The following WNT7B variants were observed in gnomAD, a reference collection of about 807,000 sequenced individuals.
WNT7B encodes protein Wnt-7b.
Under a neutral mutation model 38.2 loss-of-function variants are expected in WNT7B, and 19 were observed. That is an observed-to-expected ratio of 0.50 (90% confidence interval 0.35 to 0.73). The LOEUF (loss-of-function observed/expected upper bound fraction) is 0.73. WNT7B is among the 30% of genes least tolerant of loss of function. The pLI, the probability that WNT7B is intolerant of heterozygous loss-of-function variation, is 0.01. For synonymous variants in WNT7B, 243 were observed against 209.3 expected, an observed-to-expected ratio of 1.16 and a Z score of -1.39; for missense variants, 423 against 507.9, an observed-to-expected ratio of 0.83 and a Z score of 1.61.
chr22:45,933,975 C>T (rs779058659), intron 2 of WNT7B, among the ~76,000 whole-genome samples: 45 of 152,318 alleles, frequency 3.0e-4, no homozygotes, highest in Non-Finnish European at 5.0e-4. Context: ...GCGTGGATTC[C>T]GGAACATTCA....
At chr22:45,939,429 T>C (rs1475584345) in intron 2 of WNT7B, among the ~76,000 whole-genome samples, 2 of 152,202 alleles carry the variant, frequency 1.3e-5, no homozygotes, top group Non-Finnish European at 2.9e-5. Context: ...ATGTGTTCTA[T>C]CCATACGGCA....
chr22:45,964,349 A>G (rs893550751), intron 1 of WNT7B, among the ~76,000 whole-genome samples: 60 of 152,238 alleles, frequency 3.9e-4, no homozygotes, highest in African/African-American at 1.4e-3. Flanking sequence ...AAGGCGGGTG[A>G]CAACCTTGCT....
intron 3 of WNT7B, chr22:45,926,769 G>A (rs1569109350): frequency 3.0e-6 from 3 of 985,374 alleles, no homozygotes; most frequent in Middle Eastern, 5.2e-4. Context: ...CTCTGACCAC[G>A]AGCCCACAGA....
intron 2 of WNT7B, among the ~76,000 whole-genome samples, chr22:45,939,973 G>A (rs1931606094): frequency 6.6e-6 from 1 of 152,320 alleles, no homozygotes; most frequent in East Asian, 1.9e-4. Flanking sequence ...TGCCAGGGGC[G>A]AGAGGACTGG....
At chr22:45,968,184 T>G (rs146834056) in intron 1 of WNT7B, among the ~76,000 whole-genome samples, 105 of 151,448 alleles carry the variant, frequency 6.9e-4, no homozygotes, top group African/African-American at 2.5e-3. Flanking sequence ...CTCCTATCCA[T>G]CCTTCAAAAC....
At chr22:45,973,880 C>T (rs574095614) in intron 1 of WNT7B, among the ~76,000 whole-genome samples, 7 of 118,082 alleles carry the variant, frequency 5.9e-5, no homozygotes, top group Admixed American at 5.3e-4. Context: ...GATGGCTGCA[C>T]GTGCCCAGGT....
rs1601718770 is a variant in WNT7B at position 45,930,958 on chromosome 22, A to C, written c.570+140T>G. 4.2e-6 allele frequency: 5 copies of C among 1,187,000 alleles called. No individual in the cohort carries two copies. The East Asian group carries it at 1.3e-4, about 31-fold the overall frequency. The allele number at this position is 1,187,000 out of a possible 1,614,324, so 73.5% of individuals were successfully genotyped here. On this transcript the variant is annotated intron_variant, in intron 3 of 3. Transcript: ENST00000339464. ...GGGAGGCTCAGAGCCATGCACGTGG[A>C]GGACCCAGACGGCCCCACCCCCTGC...
chr22:45,941,642 G>A (rs940753707), intron 2 of WNT7B, among the ~76,000 whole-genome samples: 1 of 152,178 alleles, frequency 6.6e-6, no homozygotes, highest in African/African-American at 2.4e-5. Flanking sequence ...GGCCACGGGT[G>A]GCTTAAGGTG....
At chr22:45,937,559 G>T (rs1465972380) in intron 2 of WNT7B, among the ~76,000 whole-genome samples, 1 of 151,732 alleles carries the variant, frequency 6.6e-6, no homozygotes, top group African/African-American at 2.4e-5. Context: ...TCCCTGGGCA[G>T]CAGGTGTGCA....
At chr22:45,942,867 G>GTGTGCGCGTGTATGCATGTA (rs1931686109) in intron 2 of WNT7B, among the ~76,000 whole-genome samples, 2 of 151,894 alleles carry the variant, frequency 1.3e-5, no homozygotes, top group Non-Finnish European at 2.9e-5. Flanking sequence ...GTGTGTGTGT[G>GTGTGCGCGTGTATGCATGTA]TGTGCGTGTG....
chr22:45,964,727 C>T (rs1268010273), intron 1 of WNT7B, among the ~76,000 whole-genome samples: 2 of 152,182 alleles, frequency 1.3e-5, no homozygotes, highest in African/African-American at 4.8e-5. Flanking sequence ...GGGCCCCAGA[C>T]CCACAAGTGG....
In WNT7B at chr22:45,976,967, T is replaced by C. The variant is rs1932565915; in HGVS notation, c.-213A>G. ...GCCACCGCCGCGTGAGCCCGGGGAATTGACCCAGGCTGGGGGCCGCGACCT... is the reference window on the plus strand; with the variant it reads ...GCCACCGCCGCGTGAGCCCGGGGAACTGACCCAGGCTGGGGGCCGCGACCT... On this transcript the variant is annotated 5_prime_UTR_variant, in exon 1 of 4. Transcript: ENST00000339464. This position sits in a 1 kb window ranked among gnomAD's most constrained non-coding sequence, Gnocchi z 8.5. 10 of 987,350 alleles carry C rather than the reference T, an allele frequency of 1.0e-5. No homozygotes were observed. Among genetic ancestry groups the C allele is most frequent in the Admixed American group, 1.2e-4 (2 of 16,242 alleles). The allele number at this position is 987,350 out of a possible 1,614,324, so 61.2% of individuals were successfully genotyped here.
chr22:45,941,613 A>C (rs1931650417), intron 2 of WNT7B, among the ~76,000 whole-genome samples: 1 of 152,020 alleles, frequency 6.6e-6, no homozygotes, highest in Admixed American at 6.5e-5. Context: ...GGACAGGATC[A>C]AGTGGAAAGA....
At chr22:45,941,339 G>A (rs1468586659) in intron 2 of WNT7B, among the ~76,000 whole-genome samples, 4 of 152,070 alleles carry the variant, frequency 2.6e-5, no homozygotes, top group East Asian at 1.9e-4. Context: ...GCGAAACCCC[G>A]TCTGTACTAA....
rs564107316 is a variant in WNT7B at position 45,966,470 on chromosome 22, C to A, written c.71+10214G>T. On this transcript the variant is annotated intron_variant, in intron 1 of 3. Coordinates refer to ENST00000339464, the MANE Select transcript of WNT7B (RefSeq NM_058238.3). This position sits in a 1 kb window ranked among gnomAD's most constrained non-coding sequence, Gnocchi z 4.2. ...AAGGGTTGGAGCAGGGATCACAGTG[C>A]GGGAGGGCTCCAGAAAGCGATAGAG... Among the ~76,000 whole-genome samples, 31 of 152,302 alleles carry A rather than the reference C, an allele frequency of 2.0e-4. No homozygotes were observed. The highest frequency in any genetic ancestry group is 5.9e-4 in the Admixed American group (9 of 15,294).
At chr22:45,927,165 A>G in intron 3 of WNT7B, 1 of 985,096 alleles carries the variant, frequency 1.0e-6, no homozygotes, top group South Asian at 4.7e-5. Context: ...TGCCTGCCCC[A>G]CGTAGCAGTG....
Position 45,923,312 on chromosome 22 carries a change from C to T in WNT7B, c.594G>A (p.Leu198=). ...CAGACACGCCGTGGCACTTGCACTCCAGCTGCATCCGGTCCTCTAGAACCT... is the reference window on the plus strand; with the variant it reads ...CAGACACGCCGTGGCACTTGCACTCTAGCTGCATCCGGTCCTCTAGAACCT... ...GRKVLEDRMQ[L]ECKCHGVSGS... is the part of the protein sequence containing the mutation. Residue 198 remains leucine, a synonymous_variant, in exon 4 of 4, where the codon CTG becomes CTA. Coordinates refer to ENST00000339464, the MANE Select transcript of WNT7B (RefSeq NM_058238.3). 1.2e-6 allele frequency: 2 copies of T among 1,608,542 alleles called. No homozygotes were observed. The highest frequency in any genetic ancestry group is 1.1e-5 in the South Asian group (1 of 90,630).
chr22:45,968,684 C>A (rs1932364840), intron 1 of WNT7B, among the ~76,000 whole-genome samples: 1 of 152,210 alleles, frequency 6.6e-6, no homozygotes, highest in African/African-American at 2.4e-5. Flanking sequence ...GTCTCGTCCA[C>A]CTGGTGATGA....
At chr22:45,928,231 G>A (rs913749608) in intron 3 of WNT7B, among the ~76,000 whole-genome samples, 3 of 152,170 alleles carry the variant, frequency 2.0e-5, no homozygotes, top group Non-Finnish European at 4.4e-5. Context: ...GGCAGGCCTG[G>A]TACTCTGTGA....
Sources: allele counts gnomAD v4.1 joint callset (sites outside exome capture counted in the v4.1 genomes callset), GRCh38; gene constraint gnomAD v4.1.1; non-coding constraint Gnocchi (gnomAD v3.1); transcripts MANE v1.5; gene names NCBI Gene and HGNC (gene_info 2026-07-23, HGNC 2026-07-21).